The following FBXO36 variants were observed in gnomAD, a reference collection of about 807,000 sequenced individuals.
FBXO36 encodes F-box only protein 36.
Under a neutral mutation model 17.0 loss-of-function variants are expected in FBXO36, and 18 were observed. The observed-to-expected ratio is 1.06, with a 90% CI of 0.73 to 1.57. The LOEUF (loss-of-function observed/expected upper bound fraction) is 1.57, where lower values mean the gene tolerates loss of function less well. FBXO36 is among the 40% of genes most tolerant of loss of function. FBXO36 has a pLI of 0.00. For missense variants in FBXO36, 229 were observed against 221.9 expected, an observed-to-expected ratio of 1.03 and a Z score of -0.20; for synonymous variants, 83 against 85.3, an observed-to-expected ratio of 0.97 and a Z score of 0.15.
chr2:230,001,341 G>T (rs1419072369), intron 3 of FBXO36, among the ~76,000 whole-genome samples: 1 of 151,456 alleles, frequency 6.6e-6, no homozygotes. Context: ...AGGCTGGAGT[G>T]CAATGGCACC....
intron 3 of FBXO36, among the ~76,000 whole-genome samples, chr2:230,006,599 A>C (rs1220960378): frequency 6.6e-6 from 1 of 152,164 alleles, no homozygotes; most frequent in Non-Finnish European, 1.5e-5. Context: ...TGAAGGTGAA[A>C]AGATGCACGT....
chr2:229,931,985 T>C (rs2076940998), intron 1 of FBXO36, among the ~76,000 whole-genome samples: 2 of 150,386 alleles, frequency 1.3e-5, no homozygotes, highest in Non-Finnish European at 3.0e-5. Flanking sequence ...GGTGCAATCA[T>C]AGCTCACTGC....
chr2:229,956,753 G>A (rs1404868801), intron 1 of FBXO36, among the ~76,000 whole-genome samples: 2 of 152,028 alleles, frequency 1.3e-5, no homozygotes, highest in East Asian at 3.8e-4. Flanking sequence ...CTGCACTTTG[G>A]GAGAGAAAAA....
chr2:230,000,210 T>C (rs2077350857), intron 3 of FBXO36, among the ~76,000 whole-genome samples: 1 of 151,580 alleles, frequency 6.6e-6, no homozygotes, highest in Admixed American at 6.6e-5. Flanking sequence ...ATACAAAAAT[T>C]AGCTGGGCCT....
At chr2:229,986,019 G>T (rs1302987789) in intron 2 of FBXO36, among the ~76,000 whole-genome samples, 3 of 152,104 alleles carry the variant, frequency 2.0e-5, no homozygotes, top group African/African-American at 7.2e-5. Context: ...TATACTCCAG[G>T]CTGGGGGACA....
chr2:229,935,236 G>A (rs1169619144), intron 1 of FBXO36, among the ~76,000 whole-genome samples: 1 of 152,194 alleles, frequency 6.6e-6, no homozygotes, highest in Admixed American at 6.5e-5. Context: ...CCTATACAAA[G>A]CAGGTATAAT....
intron 1 of FBXO36, among the ~76,000 whole-genome samples, chr2:229,937,608 C>T (rs1362152856): frequency 6.6e-6 from 1 of 152,208 alleles, no homozygotes; most frequent in African/African-American, 2.4e-5. Context: ...TGGCCTCTGC[C>T]TCGCCACCCT....
In FBXO36 at chr2:229,958,257, C is replaced by CTTTTTTT. The variant is rs1161188534; in HGVS notation, c.97-17963_97-17957dup. Among the ~76,000 whole-genome samples, 31 of 78,696 alleles carry CTTTTTTT rather than the reference C, an allele frequency of 3.9e-4. 2 individuals carry two copies. Among genetic ancestry groups the CTTTTTTT allele is most frequent in the Non-Finnish European group, 5.6e-4 (23 of 40,922 alleles). The allele number at this position is 78,696 out of a possible 152,430, so 51.6% of individuals were successfully genotyped here. On this transcript the variant is annotated intron_variant, in intron 1 of 3. Coordinates refer to ENST00000283946, the MANE Select transcript of FBXO36 (RefSeq NM_174899.5). ...ATTGTTTACAGAGAGCTCTGACTTTCTTTTTTTTTTTTTTTTTTTTTTTTT... is the reference window on the plus strand; with the variant it reads ...ATTGTTTACAGAGAGCTCTGACTTTCTTTTTTTTTTTTTTTTTTTTTTTTTTTTTTTT...
chr2:229,992,303 G>A (rs1338580398), intron 2 of FBXO36, among the ~76,000 whole-genome samples: 1 of 151,928 alleles, frequency 6.6e-6, no homozygotes, highest in Non-Finnish European at 1.5e-5. Context: ...GATTACAGGT[G>A]CCCGCCTCCA....
intron 2 of FBXO36, chr2:229,976,761 G>C (rs998225667): frequency 1.9e-5 from 3 of 161,434 alleles, no homozygotes; most frequent in African/African-American, 7.2e-5. Flanking sequence ...AGAGGTTGCA[G>C]TGAGCTGAGA....
intron 2 of FBXO36, among the ~76,000 whole-genome samples, chr2:229,988,850 T>TG (rs901939088): frequency 1.7e-4 from 25 of 150,740 alleles, no homozygotes; most frequent in Non-Finnish European, 1.9e-4. Context: ...TTTTGTTTTT[T>TG]TTTTTTTACC....
At chr2:229,939,142 T>G in intron 1 of FBXO36, 1 of 735,766 alleles carries the variant, frequency 1.4e-6, no homozygotes, top group Non-Finnish European at 1.6e-6. Flanking sequence ...CAACCTCCGG[T>G]TCCCGGGTTC....
At chr2:229,953,203 G>A (rs1474078830) in intron 1 of FBXO36, among the ~76,000 whole-genome samples, 3 of 152,064 alleles carry the variant, frequency 2.0e-5, no homozygotes, top group Non-Finnish European at 4.4e-5. Context: ...GCTGGACGTG[G>A]TGGTAGGCGC....
intron 1 of FBXO36, among the ~76,000 whole-genome samples, chr2:229,945,318 T>C (rs975996137): frequency 6.6e-6 from 1 of 152,230 alleles, no homozygotes; most frequent in South Asian, 2.1e-4. Flanking sequence ...TTGTTTGTTC[T>C]TTGTTTTAGC....
Position 229,929,565 on chromosome 2 carries a change from C to CA in FBXO36, c.96+6966dup, listed in dbSNP as rs909062802. Among the ~76,000 whole-genome samples the CA allele has an allele frequency of 4.0e-3, 573 of 142,486 alleles. 12 individuals are homozygous for CA. Among genetic ancestry groups the CA allele is most frequent in the Non-Finnish European group, 1.3e-3 (85 of 65,232 alleles). 93.5% of individuals were successfully genotyped at this position (142,486 alleles called of 152,430 possible). A position where few individuals can be genotyped will look rare whatever the true frequency, so the allele number is the denominator to read the frequency against. On this transcript the variant is annotated intron_variant, in intron 1 of 3. Coordinates refer to ENST00000283946, the MANE Select transcript of FBXO36 (RefSeq NM_174899.5). The stretch of plus-strand genomic sequence containing the variant: ...TGGGCAACAGAGCAAGACTCTGTTT[C>CA]AAAAAAAAAAGAAAAAGAAAGACAC...
intron 2 of FBXO36, 125 bp from the exon 3 acceptor site, chr2:229,996,626 A>T: frequency 9.7e-7 from 1 of 1,029,150 alleles, no homozygotes; most frequent in Non-Finnish European, 1.4e-6. Flanking sequence ...GAAAGTAGGA[A>T]TGACTTAGCA....
intron 3 of FBXO36, among the ~76,000 whole-genome samples, chr2:230,008,973 C>T (rs1451158579): frequency 1.3e-5 from 2 of 152,118 alleles, no homozygotes; most frequent in Non-Finnish European, 2.9e-5. Context: ...TTGATGTTTG[C>T]GCAGAAAGGA....
chr2:229,938,634 GCCATCATTCCCCA>G (rs936219515), intron 1 of FBXO36, among the ~76,000 whole-genome samples: 1 of 148,366 alleles, frequency 6.7e-6, no homozygotes, highest in African/African-American at 2.5e-5. Context: ...ACAGGCACCC[GCCATCATTCCCCA>G]CCATCATGCC....
intron 1 of FBXO36, among the ~76,000 whole-genome samples, chr2:229,943,973 G>A (rs895119625): frequency 6.6e-6 from 1 of 152,102 alleles, no homozygotes; most frequent in Non-Finnish European, 1.5e-5. Flanking sequence ...AGATCTGGTT[G>A]TTTAAAAGTG....
Sources: gnomAD v4.1 joint callset for allele counts (sites outside exome capture counted in the v4.1 genomes callset) on GRCh38, gnomAD v4.1.1 for gene constraint, MANE v1.5 for transcripts, NCBI Gene and HGNC (gene_info 2026-07-23, HGNC 2026-07-21) for gene names.